POLA1: variants seen among roughly 807,000 people sequenced by gnomAD.
POLA1 encodes DNA polymerase alpha 1, catalytic subunit.
POLA1 carries 15 observed loss-of-function variants against 124.0 expected under a neutral mutation model. That is an observed-to-expected ratio of 0.12 (90% CI 0.08 to 0.19). The LOEUF (loss-of-function observed/expected upper bound fraction) is 0.19, where lower values mean the gene tolerates loss of function less well. Among genes scored for constraint, POLA1 ranks in the 10% least tolerant of loss-of-function variants. POLA1 has a pLI of 1.00. For synonymous variants in POLA1, 408 were observed against 389.4 expected, an observed-to-expected ratio of 1.05 and a Z score of -0.56; for missense variants, 886 against 1,103.4, an observed-to-expected ratio of 0.80 and a Z score of 2.79.
chrX:24,707,095 T>C (rs11573320), intron 4 of POLA1, among the ~76,000 whole-genome samples: 2 of 112,313 alleles, frequency 1.8e-5, no homozygotes, highest in East Asian at 5.5e-4. Flanking sequence ...TTGGTAGCAA[T>C]GTGGCCAATT....
At chrX:24,805,524 A>G (rs755218908) in intron 26 of POLA1, among the ~76,000 whole-genome samples, 1 of 112,233 alleles carries the variant, frequency 8.9e-6, no homozygotes, top group African/African-American at 3.2e-5. Context: ...ATTTTATATA[A>G]TAGGTGTTGA....
intron 18 of POLA1, among the ~76,000 whole-genome samples, chrX:24,736,186 A>C (rs1699711893): frequency 9.0e-6 from 1 of 111,401 alleles, no homozygotes; most frequent in Admixed American, 9.5e-5. Flanking sequence ...GATATGGGTA[A>C]TTTGGGTACA....
At chrX:24,699,641 A>C in intron 2 of POLA1, 92 bp downstream of exon 2, 3 of 707,515 alleles carry the variant, frequency 4.2e-6, no homozygotes, top group Non-Finnish European at 5.8e-6. Flanking sequence ...CCAGATTAGA[A>C]ATACTCATAT....
chrX:24,937,938 C>T (rs1398764179), intron 36 of POLA1, among the ~76,000 whole-genome samples: 1 of 112,263 alleles, frequency 8.9e-6, no homozygotes, highest in Non-Finnish European at 1.9e-5. Flanking sequence ...ACAACCTGGC[C>T]TTTTGAAATA....
chrX:24,809,204 A>G (rs1319789016), intron 26 of POLA1, among the ~76,000 whole-genome samples: 1 of 110,859 alleles, frequency 9.0e-6, no homozygotes, highest in East Asian at 2.8e-4. Context: ...TAATTATGTC[A>G]TATTACTATT....
chrX:24,946,709 A>T (rs2047965678), intron 36 of POLA1, among the ~76,000 whole-genome samples: 1 of 111,756 alleles, frequency 8.9e-6, no homozygotes, highest in African/African-American at 3.3e-5. Context: ...TCCCTCTTAC[A>T]TTATAATTAT....
At chrX:24,904,709 C>T (rs1354075460) in intron 35 of POLA1, among the ~76,000 whole-genome samples, 5 of 111,576 alleles carry the variant, frequency 4.5e-5, no homozygotes, top group Non-Finnish European at 9.4e-5. Flanking sequence ...ACAGAGAAAG[C>T]CTTAGGGAAA....
At chrX:24,981,760 A>T (rs1362983651) in intron 36 of POLA1, among the ~76,000 whole-genome samples, 1 of 112,434 alleles carries the variant, frequency 8.9e-6, no homozygotes, top group East Asian at 2.8e-4. Flanking sequence ...TACTCATTAT[A>T]TTTGGTGGTA....
chrX:24,766,291 TCTTC>T (rs1932901922), intron 26 of POLA1, among the ~76,000 whole-genome samples: 2 of 112,248 alleles, frequency 1.8e-5, no homozygotes, highest in Non-Finnish European at 3.8e-5. Flanking sequence ...TTTATATACA[TCTTC>T]CTTATTCAGC....
chrX:24,747,732 C>CTTTTTTTTT (rs756889284), intron 24 of POLA1, among the ~76,000 whole-genome samples: 1 of 90,480 alleles, frequency 1.1e-5, no homozygotes, highest in African/African-American at 4.2e-5. Context: ...AAATGTATCC[C>CTTTTTTTTT]TTTTTTTTTT....
chrX:24,855,179 T>C (rs769821100), intron 34 of POLA1, among the ~76,000 whole-genome samples: 5 of 111,774 alleles, frequency 4.5e-5, no homozygotes, highest in African/African-American at 1.6e-4. Context: ...GTGGTAGGGA[T>C]ATGGGTGTTT....
intron 36 of POLA1, among the ~76,000 whole-genome samples, chrX:24,939,159 G>C (rs2047885474): frequency 8.9e-6 from 1 of 112,014 alleles, no homozygotes; most frequent in African/African-American, 3.2e-5. Flanking sequence ...CAAGGGCTCT[G>C]CCATGTCTAG....
intron 32 of POLA1, among the ~76,000 whole-genome samples, chrX:24,839,209 A>G (rs367543882): frequency 4.5e-5 from 5 of 111,776 alleles, no homozygotes; most frequent in East Asian, 2.8e-4. Context: ...TAAGCTCATT[A>G]CAGTCTCTTC....
At chrX:24,837,276 C>T (rs1028939116) in intron 32 of POLA1, among the ~76,000 whole-genome samples, 3 of 112,020 alleles carry the variant, frequency 2.7e-5, no homozygotes, top group African/African-American at 3.2e-5. Flanking sequence ...TAGTAGCAAT[C>T]GCTCATCTGA....
intron 36 of POLA1, among the ~76,000 whole-genome samples, chrX:24,931,094 T>C (rs1176113311): frequency 9.0e-6 from 1 of 111,102 alleles, no homozygotes; most frequent in Non-Finnish European, 1.9e-5. Context: ...ATACAAGACT[T>C]GCGGGCACTG....
chrX:24,724,426 A>G lies in POLA1; in HGVS notation c.1292A>G (p.Tyr431Cys). Residue 431 changes from tyrosine (Y) to cysteine (C), a missense_variant, in exon 12 of 37, where the codon TAT becomes TGT. Tyr to Cys is a radical substitution (Grantham distance 194, BLOSUM62 -2). Around this residue, in one of 7 missense-constraint regions of POLA1, gnomAD observed 337 missense variants for 402.8 expected, o/e 0.84. Coordinates refer to ENST00000379068, the MANE Select transcript of POLA1 (RefSeq NM_001330360.2). ...TTTGATGAGAAAATAGCAACAAAATATAAAATTATGAAGTTCAAGTCTAAG... is the reference window on the plus strand; with the variant it reads ...TTTGATGAGAAAATAGCAACAAAATGTAAAATTATGAAGTTCAAGTCTAAG... ...EEFDEKIATK[Y>C]KIMKFKSKPV... 9.8e-7 allele frequency: 1 copy of G among 1,018,170 alleles called. No homozygotes were observed. Among genetic ancestry groups the G allele is most frequent in the Non-Finnish European group, 1.4e-6 (1 of 727,350 alleles). The allele number at this position is 1,018,170 out of a possible 1,213,427, so 83.9% of individuals were successfully genotyped here. A position where few individuals can be genotyped will look rare whatever the true frequency, so the allele number is the denominator to read the frequency against.
At chrX:24,843,465 G>A in intron 33 of POLA1, 81 bp from the exon 34 acceptor site, 1 of 645,041 alleles carries the variant, frequency 1.6e-6, no homozygotes, top group Non-Finnish European at 2.3e-6. Flanking sequence ...TCAACACTAG[G>A]ACAGCATGTA....
At chrX:24,869,961 A>G (rs2046843572) in intron 34 of POLA1, among the ~76,000 whole-genome samples, 1 of 112,282 alleles carries the variant, frequency 8.9e-6, no homozygotes, top group Admixed American at 9.4e-5. Context: ...TTATTTGAAG[A>G]AAGTGATTCA....
chrX:24,713,973 C>T (rs1238566027), intron 4 of POLA1, among the ~76,000 whole-genome samples: 1 of 111,826 alleles, frequency 8.9e-6, no homozygotes, highest in Admixed American at 9.5e-5. Flanking sequence ...GAAAACAAAC[C>T]CAAATTCTCA....
Sources: gnomAD v4.1 joint callset for allele counts (sites outside exome capture counted in the v4.1 genomes callset) on GRCh38, gnomAD v4.1.1 for gene constraint, gnomAD v4.1.1 regional missense constraint, MANE v1.5 for transcripts, NCBI Gene and HGNC (gene_info 2026-07-23, HGNC 2026-07-21) for gene names.